The following PPFIA2 variants were observed in gnomAD, a reference collection of about 807,000 sequenced individuals.
PPFIA2 encodes PPFI scaffold protein A2.
A neutral mutation model predicts 175.5 loss-of-function variants in PPFIA2; 46 were observed. The ratio of observed to expected loss-of-function variants is 0.26; its 90% CI spans 0.21 to 0.34. The LOEUF (loss-of-function observed/expected upper bound fraction) is 0.34, where lower values mean the gene tolerates loss of function less well. Among genes scored for constraint, PPFIA2 ranks in the 10% least tolerant of loss-of-function variants. The probability of loss-of-function intolerance (pLI) is 1.00; values close to 1 mark genes in which losing one functional copy is unlikely to be tolerated. For missense variants in PPFIA2, 1,179 were observed against 1,506.1 expected (o/e 0.78, Z 3.60); for synonymous variants, 568 against 511.4 (o/e 1.11, Z -1.49).
chr12:81,312,314 A>G, intron 22 of PPFIA2: 1 of 751,936 alleles, frequency 1.3e-6, no homozygotes, highest in Non-Finnish European at 2.2e-6. Context: ...ACATGGTGCC[A>G]TTTTGTATTT....
chr12:81,643,823 A>T (rs1017314998), intron 4 of PPFIA2, among the ~76,000 whole-genome samples: 1 of 152,034 alleles, frequency 6.6e-6, no homozygotes, highest in South Asian at 2.1e-4. Context: ...GTAGTAAGGT[A>T]ATTTGGCATT....
chr12:81,459,656 T>A (rs2054181483), intron 4 of PPFIA2, among the ~76,000 whole-genome samples: 1 of 152,078 alleles, frequency 6.6e-6, no homozygotes, highest in Admixed American at 6.6e-5. Flanking sequence ...ACTGAAACAA[T>A]CAAGTTTTTA....
chr12:81,681,877 G>A (rs2073704733), intron 3 of PPFIA2, among the ~76,000 whole-genome samples: 1 of 151,952 alleles, frequency 6.6e-6, no homozygotes, highest in African/African-American at 2.4e-5. Flanking sequence ...AAATTCTAAA[G>A]AGTTAGTTGA....
chr12:81,543,841 C>T (rs1373493912), intron 4 of PPFIA2, among the ~76,000 whole-genome samples: 1 of 152,114 alleles, frequency 6.6e-6, no homozygotes, highest in Admixed American at 6.6e-5. Context: ...TCTTCTTCCC[C>T]AAACCCATAA....
chr12:81,365,546 G>A (rs565521278), intron 14 of PPFIA2, among the ~76,000 whole-genome samples: 1 of 151,746 alleles, frequency 6.6e-6, no homozygotes, highest in South Asian at 2.1e-4. Flanking sequence ...ACAGCATCAC[G>A]TCCAAAATTC....
chr12:81,364,343 A>G (rs2032307286), intron 14 of PPFIA2, among the ~76,000 whole-genome samples: 1 of 151,794 alleles, frequency 6.6e-6, no homozygotes, highest in Non-Finnish European at 1.5e-5. Flanking sequence ...ACTCTGCATG[A>G]GATAGGCAAC....
Position 81,375,923 on chromosome 12 carries a change from T to A in PPFIA2, c.1004A>T (p.Asp335Val). ...DIREAMAQKE[D>V]MEERITTLEK... is the part of the protein sequence containing the mutation. ...AAGGGTTGTAATTCTTTCTTCCATA[T>A]CTTCCTTTTGTGCCATGGCCTACAA... Residue 335 changes from aspartate to valine, a missense_variant, in exon 10 of 33, where the codon GAT becomes GTT. Around this residue, in one of 10 missense-constraint regions of PPFIA2, gnomAD observed 226 missense variants for 216.6 expected, o/e 1.04. Coordinates refer to ENST00000549396, the MANE Select transcript of PPFIA2 (RefSeq NM_003625.5). 1 of 1,613,344 alleles carries A rather than the reference T, an allele frequency of 6.2e-7. No homozygotes were observed. The highest frequency in any genetic ancestry group is 8.5e-7 in the Non-Finnish European group (1 of 1,179,504).
chr12:81,413,929 A>G (rs2044465872), intron 7 of PPFIA2, among the ~76,000 whole-genome samples: 1 of 151,794 alleles, frequency 6.6e-6, no homozygotes, highest in African/African-American at 2.4e-5. Flanking sequence ...TAAATTTCTA[A>G]TTAAGAACTT....
intron 4 of PPFIA2, among the ~76,000 whole-genome samples, chr12:81,593,707 T>C (rs1595400010): frequency 6.6e-6 from 1 of 152,268 alleles, no homozygotes; most frequent in East Asian, 1.9e-4. Flanking sequence ...GTGAGATAAG[T>C]CTTTAAGAAA....
At position 81,284,222 on chromosome 12, in the gene PPFIA2, C is replaced by G. The variant is rs981906004; in HGVS notation, c.2988+19G>C. On this transcript the variant is annotated intron_variant, in intron 25 of 32. Coordinates refer to ENST00000549396, the MANE Select transcript of PPFIA2 (RefSeq NM_003625.5). ...CAAAGTCACTTTCCTTCAGGTTCAA[C>G]AAAGCCATTAAGACTAACCGTTTTT... 17 of 1,544,308 alleles carry G rather than the reference C, an allele frequency of 1.1e-5. No individual in the cohort carries two copies. The highest frequency in any genetic ancestry group is 1.5e-5 in the Non-Finnish European group (17 of 1,122,232).
chr12:81,634,218 C>T (rs2063729930), intron 4 of PPFIA2, among the ~76,000 whole-genome samples: 1 of 152,012 alleles, frequency 6.6e-6, no homozygotes, highest in African/African-American at 2.4e-5. Flanking sequence ...CTTTTTGTAG[C>T]TTGCAATATG....
chr12:81,354,080 A>C (rs997870075), intron 16 of PPFIA2, among the ~76,000 whole-genome samples: 8 of 152,332 alleles, frequency 5.3e-5, no homozygotes, highest in African/African-American at 1.9e-4. Context: ...AGTGAGTTTT[A>C]ATCTTTTTGC....
intron 3 of PPFIA2, among the ~76,000 whole-genome samples, chr12:81,741,871 G>A (rs1016578790): frequency 2.6e-5 from 4 of 152,238 alleles, no homozygotes; most frequent in Non-Finnish European, 4.4e-5. Context: ...GAGAAGAGAG[G>A]TTGGGTGTAT....
rs200464380 is a variant in PPFIA2 at position 81,503,014 on chromosome 12, C to T, written c.304-45148G>A. On this transcript the variant is annotated intron_variant, in intron 4 of 32. Coordinates refer to ENST00000549396, the MANE Select transcript of PPFIA2 (RefSeq NM_003625.5). ...ACAGAGGAAGAGAAAGAGAATTCAA[C>T]TTCACTTCAAAACCAGACAAAAACT... 4.1e-4 allele frequency among the ~76,000 whole-genome samples: 62 copies of T among 152,090 alleles called. 1 individual carries two copies. The highest frequency in any genetic ancestry group is 3.4e-3 in the Middle Eastern group (1 of 294).
chr12:81,633,550 A>G (rs1018870462), intron 4 of PPFIA2, among the ~76,000 whole-genome samples: 1 of 152,002 alleles, frequency 6.6e-6, no homozygotes, highest in Admixed American at 6.5e-5. Context: ...CAGCAAAAAA[A>G]AAATACCCAA....
At chr12:81,549,817 G>A (rs2067599953) in intron 4 of PPFIA2, among the ~76,000 whole-genome samples, 1 of 151,806 alleles carries the variant, frequency 6.6e-6, no homozygotes, top group South Asian at 2.1e-4. Context: ...TGTCTGGCTG[G>A]TCATTTTCCT....
chr12:81,315,260 A>G (rs2052049884), intron 22 of PPFIA2, among the ~76,000 whole-genome samples: 2 of 152,000 alleles, frequency 1.3e-5, no homozygotes, highest in Middle Eastern at 3.4e-3. Context: ...CAATGAAACT[A>G]TTTCTAATTT....
At chr12:81,319,142 T>C (rs973876704) in intron 22 of PPFIA2, among the ~76,000 whole-genome samples, 2 of 151,794 alleles carry the variant, frequency 1.3e-5, no homozygotes, top group African/African-American at 4.8e-5. Flanking sequence ...GCACAGGGCT[T>C]CTGTTCTACT....
chr12:81,717,802 T>A (rs1015584848), intron 3 of PPFIA2, among the ~76,000 whole-genome samples: 2 of 151,558 alleles, frequency 1.3e-5, no homozygotes. Context: ...TTCTTGTATA[T>A]GTGATGCAAT....
Sources: gnomAD v4.1 joint callset for allele counts (sites outside exome capture counted in the v4.1 genomes callset) on GRCh38, gnomAD v4.1.1 for gene constraint, gnomAD v4.1.1 regional missense constraint, MANE v1.5 for transcripts, NCBI Gene and HGNC (gene_info 2026-07-23, HGNC 2026-07-21) for gene names.